INPP5F: variants seen among roughly 807,000 people sequenced by gnomAD.
INPP5F encodes the protein phosphatidylinositide 4-phosphatase SAC2.
In INPP5F, 97 loss-of-function variants were observed where a neutral mutation model predicts 137.2. The ratio of observed to expected loss-of-function variants is 0.71; its 90% CI spans 0.60 to 0.84. INPP5F has a LOEUF of 0.84. Ranked by LOEUF, INPP5F falls within the 40% of genes least tolerant of loss-of-function variation. The probability of loss-of-function intolerance (pLI) is 0.00; values close to 1 mark genes in which losing one functional copy is unlikely to be tolerated. For synonymous variants in INPP5F, 504 were observed against 476.9 expected, an observed-to-expected ratio of 1.06 and a Z score of -0.74; for missense variants, 1,271 against 1,371.9, an observed-to-expected ratio of 0.93 and a Z score of 1.16.
chr10:119,745,253 GTTCAT>G (rs1848496252), intron 1 of INPP5F, among the ~76,000 whole-genome samples: 1 of 151,698 alleles, frequency 6.6e-6, no homozygotes, highest in African/African-American at 2.4e-5. Context: ...GGACTTTCAT[GTTCAT>G]CTCCTCCTGT....
At chr10:119,820,443 G>A (rs1236771239) in intron 15 of INPP5F, among the ~76,000 whole-genome samples, 1 of 152,192 alleles carries the variant, frequency 6.6e-6, no homozygotes, top group Non-Finnish European at 1.5e-5. Flanking sequence ...TGTATAGTGT[G>A]TTATTTTGAA....
intron 19 of INPP5F, 133 bp from the exon 20 acceptor site, chr10:119,826,498 T>C: frequency 1.4e-6 from 1 of 691,166 alleles, no homozygotes; most frequent in Non-Finnish European, 2.5e-6. Flanking sequence ...CTGAGGGTTA[T>C]CTGTCAGTTA....
Position 119,827,649 on chromosome 10 carries a change from A to AC in INPP5F, c.3271dup (p.His1091ProfsTer18). On this transcript the variant is annotated frameshift_variant, in exon 20 of 20. Coordinates refer to ENST00000650623, the MANE Select transcript of INPP5F (RefSeq NM_014937.4). LOFTEE classifies it high-confidence loss of function. ...TGCTAGTATTACCCAAGCTGGATTA[A>AC]CCCATGGGATAAACTTTGCAGTGTC... 6.2e-7 allele frequency: 1 copy of AC among 1,614,168 alleles called. No homozygotes were observed. Among genetic ancestry groups the AC allele is most frequent in the Non-Finnish European group, 8.5e-7 (1 of 1,180,010 alleles).
In INPP5F at chr10:119,726,169, G is replaced by C. The variant is rs1207607982; in HGVS notation, c.-94G>C. The C allele has an allele frequency of 2.7e-6, 2 of 729,228 alleles. No individual in the cohort carries two copies. Among genetic ancestry groups the C allele is most frequent in the South Asian group, 3.4e-5 (1 of 29,560 alleles). 45.2% of individuals were successfully genotyped at this position (729,228 alleles called of 1,614,324 possible). ...TTCTCGGCGCGGTTCCTACCCGGCC[G>C]CTCCCCGAGGCGCGGGCTCTGGCGG... On this transcript the variant is annotated 5_prime_UTR_variant, in exon 1 of 20. Transcript: ENST00000650623.
intron 15 of INPP5F, among the ~76,000 whole-genome samples, chr10:119,820,337 G>C (rs546724873): frequency 1.3e-5 from 2 of 152,168 alleles, no homozygotes; most frequent in Non-Finnish European, 2.9e-5. Context: ...AAATGCAAAA[G>C]TAGCTTGGAC....
intron 2 of INPP5F, among the ~76,000 whole-genome samples, chr10:119,774,261 CAAAA>C (rs572329987): frequency 0.044 from 3,650 of 82,080 alleles, 36 homozygotes; most frequent in Middle Eastern, 0.069. Context: ...ACTCAGTCTC[CAAAA>C]AAAAAAAAAA....
rs368602804 is a variant in INPP5F at position 119,767,188 on chromosome 10, G to C, written c.179-14447G>C. 5.3e-5 allele frequency among the ~76,000 whole-genome samples: 8 copies of C among 150,478 alleles called. No homozygotes were observed. In the East Asian group the frequency reaches 1.6e-3, roughly 29 times the overall value. On this transcript the variant is annotated intron_variant, in intron 2 of 19. Transcript: ENST00000650623. ...TGATTCCAGATGGGAGCATGGAGGG[G>C]TAGGAAGAAATGAAGATCAATGGAA...
chr10:119,754,366 G>A (rs1848774129), intron 2 of INPP5F, among the ~76,000 whole-genome samples: 1 of 152,046 alleles, frequency 6.6e-6, no homozygotes, highest in Admixed American at 6.6e-5. Context: ...TTTAGGAGGC[G>A]GTGAAGGTAT....
chr10:119,827,752 A>G lies in INPP5F; in HGVS notation c.3371A>G (p.Gln1124Arg), dbSNP rs201511600. 1 of 1,611,332 alleles carries G rather than the reference A, an allele frequency of 6.2e-7. No homozygotes were observed. Among genetic ancestry groups the G allele is most frequent in the Non-Finnish European group, 8.5e-7 (1 of 1,178,388 alleles). Residue 1124 changes from glutamine (Q) to arginine (R), a missense_variant, in exon 20 of 20, where the codon CAA becomes CGA. Physicochemically the swap from Gln to Arg is conservative, Grantham distance 43. Around this residue, in one of 6 missense-constraint regions of INPP5F, gnomAD observed 490 missense variants for 443.7 expected, o/e 1.10. Transcript: ENST00000650623. ...AATGAACTTAAAAAGATGTTTATAC[A>G]ATGCCAGACACGGATAATTCAGATT... ...QQNELKKMFI[Q>R]CQTRIIQI
chr10:119,820,836 AT>A lies in INPP5F; in HGVS notation c.1887-7del. The A allele has an allele frequency of 6.3e-7, 1 of 1,595,998 alleles. No homozygotes were observed. Among genetic ancestry groups the A allele is most frequent in the South Asian group, 1.1e-5 (1 of 90,684 alleles). On this transcript the variant is annotated splice_polypyrimidine_tract_variant and intron_variant, in intron 15 of 19. Transcript: ENST00000650623. ...GAAAATACTTAATCTCCTGTGTCAT[AT>A]TTGTTTAGCCTCATTGATGCTACTC...
chr10:119,745,336 CT>C (rs958432123), intron 1 of INPP5F, among the ~76,000 whole-genome samples: 1 of 151,612 alleles, frequency 6.6e-6, no homozygotes, highest in Admixed American at 6.6e-5. Context: ...GTTTTTAAAT[CT>C]TTTTTTGTTA....
chr10:119,784,678 G>A (rs967751190), intron 3 of INPP5F, among the ~76,000 whole-genome samples: 4 of 152,040 alleles, frequency 2.6e-5, no homozygotes, highest in African/African-American at 9.7e-5. Flanking sequence ...TTATTTGTTT[G>A]CCAGTTAAAA....
chr10:119,797,654 T>G lies in INPP5F; in HGVS notation c.1048+14T>G. The G allele has an allele frequency of 6.4e-7, 1 of 1,572,996 alleles. No homozygotes were observed. Among genetic ancestry groups the G allele is most frequent in the Non-Finnish European group, 8.6e-7 (1 of 1,158,426 alleles). On this transcript the variant is annotated intron_variant, in intron 8 of 19. Transcript: ENST00000650623. Reference sequence around the variant, plus strand: ...GGCTGGACAGAAGTAAGCAGGTCAATTATTGGGTTTGCAAATGATGATTTC... The same window carrying G: ...GGCTGGACAGAAGTAAGCAGGTCAAGTATTGGGTTTGCAAATGATGATTTC...
chr10:119,811,993 A>G, intron 15 of INPP5F, 38 bp downstream of exon 15: 1 of 1,543,806 alleles, frequency 6.5e-7, no homozygotes, highest in Non-Finnish European at 9.0e-7. Context: ...AGCTTGCTTA[A>G]CTGATGTTGG....
chr10:119,765,790 GTATA>G (rs1160730429), intron 2 of INPP5F, among the ~76,000 whole-genome samples: 7 of 143,572 alleles, frequency 4.9e-5, no homozygotes, highest in Non-Finnish European at 7.5e-5. Context: ...TGTGTATAGT[GTATA>G]TATATACTAT....
Position 119,726,069 on chromosome 10 carries a change from C to T in INPP5F, c.-194C>T, listed in dbSNP as rs1004786022. 29 of 369,658 alleles carry T rather than the reference C, an allele frequency of 7.8e-5. No individual in the cohort carries two copies. The highest frequency in any genetic ancestry group is 3.9e-4 in the African/African-American group (18 of 46,324). 22.9% of individuals were successfully genotyped at this position (369,658 alleles called of 1,614,324 possible). On this transcript the variant is annotated 5_prime_UTR_variant, in exon 1 of 20. Coordinates refer to ENST00000650623, the MANE Select transcript of INPP5F (RefSeq NM_014937.4). ...GGGGGGGAGAGGCCTCTACGGCCGC[C>T]GCTGCCGCCGCCGCTGCCGGGGCGC...
chr10:119,823,332 G>A, intron 18 of INPP5F, 133 bp downstream of exon 18: 1 of 800,894 alleles, frequency 1.2e-6, no homozygotes, highest in Non-Finnish European at 1.9e-6. Context: ...TTTGGAATAT[G>A]AGACCTTGAA....
chr10:119,767,410 A>G (rs1196805739), intron 2 of INPP5F, among the ~76,000 whole-genome samples: 2 of 152,200 alleles, frequency 1.3e-5, no homozygotes, highest in Admixed American at 6.6e-5. Context: ...GTTATCCCCT[A>G]CAGTGTAACC....
At chr10:119,784,803 C>G (rs1230152240) in intron 3 of INPP5F, among the ~76,000 whole-genome samples, 1 of 152,160 alleles carries the variant, frequency 6.6e-6, no homozygotes, top group African/African-American at 2.4e-5. Context: ...AATTTTAGAA[C>G]CTTTCATCAT....
Sources: gnomAD v4.1 joint callset for allele counts (sites outside exome capture counted in the v4.1 genomes callset) on GRCh38, gnomAD v4.1.1 for gene constraint, gnomAD v4.1.1 regional missense constraint, MANE v1.5 for transcripts, NCBI Gene and HGNC (gene_info 2026-07-23, HGNC 2026-07-21) for gene names.